The following PUS7L variants were observed in gnomAD, a reference collection of about 807,000 sequenced individuals.
PUS7L encodes pseudouridine synthase 7 like.
In PUS7L, 49 loss-of-function variants were observed where a neutral mutation model predicts 51.1. The ratio of observed to expected loss-of-function variants is 0.96; its 90% CI spans 0.76 to 1.22. The LOEUF (loss-of-function observed/expected upper bound fraction) is 1.22, where lower values mean the gene tolerates loss of function less well. PUS7L is among the 50% of genes most tolerant of loss of function. The probability of loss-of-function intolerance (pLI) is 0.00; values close to 1 mark genes in which losing one functional copy is unlikely to be tolerated. For missense variants in PUS7L, 828 were observed against 820.6 expected, an observed-to-expected ratio of 1.01 and a Z score of -0.11; for synonymous variants, 277 against 276.2, an observed-to-expected ratio of 1.00 and a Z score of -0.03.
intron 2 of PUS7L, among the ~76,000 whole-genome samples, chr12:43,749,288 C>A (rs1938327973): frequency 6.6e-6 from 1 of 152,140 alleles, no homozygotes; most frequent in Non-Finnish European, 1.5e-5. Context: ...ACATTTAAGT[C>A]CTCTGTCTAA....
In PUS7L at chr12:43,730,071, G is replaced by A. The variant is rs1364248756; in HGVS notation, c.*305C>T. On this transcript the variant is annotated 3_prime_UTR_variant, in exon 9 of 9. Coordinates refer to ENST00000344862, the MANE Select transcript of PUS7L (RefSeq NM_031292.5). ...AACTTTTTTTCTTAAATGTTATCTT[G>A]CAGTATTATATATATTCCTAATGGT... The A allele has an allele frequency of 4.2e-6, 1 of 238,618 alleles. No homozygotes were observed. Among genetic ancestry groups the A allele is most frequent in the Admixed American group, 5.0e-5 (1 of 19,990 alleles). 14.8% of individuals were successfully genotyped at this position (238,618 alleles called of 1,614,324 possible).
chr12:43,741,577 T>C (rs1937899470), intron 5 of PUS7L, among the ~76,000 whole-genome samples: 1 of 152,240 alleles, frequency 6.6e-6, no homozygotes, highest in Non-Finnish European at 1.5e-5. Context: ...ACAAGTTAAT[T>C]TTCAGAGTTT....
Position 43,730,685 on chromosome 12 carries a change from A to G in PUS7L, c.1797T>C (p.Leu599=). 2 of 1,595,760 alleles carry G rather than the reference A, an allele frequency of 1.3e-6. No individual in the cohort carries two copies. The highest frequency in any genetic ancestry group is 1.7e-6 in the Non-Finnish European group (2 of 1,166,582). ...TCTTCGGGTACTGAATATTGTATCC[A>G]AGTACTGGAAGAACCACCTGTGAAA... ...YAIHQVVLPV[L]GYNIQYPKNK... is the part of the protein sequence containing the mutation. Residue 599 remains leucine (L), a synonymous_variant, in exon 9 of 9, where the codon CTT becomes CTC. Transcript: ENST00000344862.
intron 1 of PUS7L, among the ~76,000 whole-genome samples, chr12:43,757,328 G>T (rs528407188): frequency 1.3e-5 from 2 of 151,726 alleles, no homozygotes; most frequent in Non-Finnish European, 2.9e-5. Context: ...GCGCCACCAC[G>T]CCCGGCTAAT....
chr12:43,748,479 T>TGCTTGATA lies in PUS7L; in HGVS notation c.1033_1040dup (p.Met348IlefsTer9), dbSNP rs1221628187. On this transcript the variant is annotated frameshift_variant, in exon 3 of 9. Transcript: ENST00000344862. LOFTEE classifies it high-confidence loss of function. Reference sequence around the variant, plus strand: ...CTGGAGTCACTTTTCTAACAACCATTGCTTGATAGGTGATGGCTTTCTTGT... The same window carrying TGCTTGATA: ...CTGGAGTCACTTTTCTAACAACCATTGCTTGATAGCTTGATAGGTGATGGCTTTCTTGT... The TGCTTGATA allele has an allele frequency of 6.2e-7, 1 of 1,600,304 alleles. No homozygotes were observed. The highest frequency in any genetic ancestry group is 1.8e-5 in the Admixed American group (1 of 55,774).
chr12:43,740,176 C>T (rs1937827282), intron 5 of PUS7L, among the ~76,000 whole-genome samples: 1 of 152,052 alleles, frequency 6.6e-6, no homozygotes, highest in Non-Finnish European at 1.5e-5. Context: ...ATAATATCTA[C>T]TAGTTTATGT....
At position 43,720,514 on chromosome 12, in the gene PUS7L, GATAT is replaced by G. The variant is rs747006091; in HGVS notation, c.*9858_*9861del. The G allele has an allele frequency of 2.0e-5, 3 of 152,110 alleles. No homozygotes were observed. Among genetic ancestry groups the G allele is most frequent in the Admixed American group, 6.5e-5 (1 of 15,272 alleles). 9.4% of individuals were successfully genotyped at this position (152,110 alleles called of 1,614,324 possible). A position where few individuals can be genotyped will look rare whatever the true frequency, so the allele number is the denominator to read the frequency against. On this transcript the variant is annotated 3_prime_UTR_variant, in exon 9 of 9. Coordinates refer to ENST00000344862, the MANE Select transcript of PUS7L (RefSeq NM_031292.5). ...TAAATAAGTGCATCTCTTAATTTCT[GATAT>G]ATAGAGATTTTCCTGTTATCTTTTT...
chr12:43,749,041 GA>G (rs1565642098), intron 2 of PUS7L, among the ~76,000 whole-genome samples: 1 of 152,222 alleles, frequency 6.6e-6, no homozygotes, highest in South Asian at 2.1e-4. Flanking sequence ...ACTTTTTAAT[GA>G]AAATATAAAA....
chr12:43,734,681 C>T (rs1279125675), intron 7 of PUS7L, among the ~76,000 whole-genome samples: 5 of 152,050 alleles, frequency 3.3e-5, no homozygotes, highest in African/African-American at 1.2e-4. Context: ...TAGTAGAGAC[C>T]CAACAGGGCT....
At position 43,725,976 on chromosome 12, in the gene PUS7L, A is replaced by C. The variant is rs1457880259; in HGVS notation, c.*4400T>G. The C allele has an allele frequency of 1.3e-5, 2 of 151,508 alleles. No homozygotes were observed. Among genetic ancestry groups the C allele is most frequent in the African/African-American group, 4.9e-5 (2 of 41,206 alleles). The allele number at this position is 151,508 out of a possible 1,614,324, so 9.4% of individuals were successfully genotyped here. A position where few individuals can be genotyped will look rare whatever the true frequency, so the allele number is the denominator to read the frequency against. On this transcript the variant is annotated 3_prime_UTR_variant, in exon 9 of 9. Transcript: ENST00000344862. Reference sequence around the variant, plus strand: ...GACTTTCAGTTTTTTACAGCTCACAAAAAAAAAATCAAGGTGTTTTAATTT... The same window carrying C: ...GACTTTCAGTTTTTTACAGCTCACACAAAAAAAATCAAGGTGTTTTAATTT...
rs1388288598 is a variant in PUS7L, at chr12:43,719,283, A to G, written c.*11093T>C. On this transcript the variant is annotated 3_prime_UTR_variant, in exon 9 of 9. Transcript: ENST00000344862. Reference sequence around the variant, plus strand: ...GATATGTACAATTCCATTCACATAAAATTCAAAATCAGACAAAACTGTGTA... The same window carrying G: ...GATATGTACAATTCCATTCACATAAGATTCAAAATCAGACAAAACTGTGTA... The G allele has an allele frequency of 6.6e-6, 1 of 152,216 alleles. No individual in the cohort carries two copies. The highest frequency in any genetic ancestry group is 1.5e-5 in the Non-Finnish European group (1 of 68,030). The allele number at this position is 152,216 out of a possible 1,614,324, so 9.4% of individuals were successfully genotyped here.
Position 43,748,488 on chromosome 12 carries a change from GGTGATGGCTTTCTT to G in PUS7L, c.1018_1031del (p.Lys340LeufsTer7), listed in dbSNP as rs1317333459. The G allele has an allele frequency of 1.9e-6, 3 of 1,605,772 alleles. No homozygotes were observed. The East Asian group carries it at 6.7e-5, about 36-fold the overall frequency. On this transcript the variant is annotated frameshift_variant, in exon 3 of 9. Transcript: ENST00000344862. LOFTEE classifies it high-confidence loss of function. ...CTTTTCTAACAACCATTGCTTGATA[GGTGATGGCTTTCTT>G]GTCTTTAAGGCCTGCATAACTAAAA... is the stretch of plus-strand genomic sequence containing the variant.
chr12:43,758,620 GCAAAGGGTATGGATCCT>G, intron 1 of PUS7L, 93 bp downstream of exon 1: 1 of 976,528 alleles, frequency 1.0e-6, no homozygotes, highest in Non-Finnish European at 1.2e-6. Context: ...TTCTTTGGGC[GCAAAGGGTATGGATCCT>G]CAATGCCAAC....
intron 3 of PUS7L, among the ~76,000 whole-genome samples, chr12:43,747,397 T>C (rs1050641023): frequency 2.0e-5 from 3 of 152,172 alleles, no homozygotes; most frequent in African/African-American, 7.2e-5. Flanking sequence ...GATTTTCATA[T>C]ATATAATAAA....
chr12:43,741,761 A>G (rs901597915), intron 5 of PUS7L, among the ~76,000 whole-genome samples: 3 of 152,214 alleles, frequency 2.0e-5, no homozygotes, highest in Non-Finnish European at 4.4e-5. Flanking sequence ...GATGATGTTC[A>G]ATGCACTACG....
intron 1 of PUS7L, among the ~76,000 whole-genome samples, chr12:43,755,869 G>C (rs1472478459): frequency 1.3e-5 from 2 of 152,256 alleles, no homozygotes; most frequent in Non-Finnish European, 2.9e-5. Flanking sequence ...GGTTGAGCCA[G>C]AGGAAAGTTC....
intron 7 of PUS7L, among the ~76,000 whole-genome samples, chr12:43,734,093 A>G (rs1162528147): frequency 2.0e-5 from 3 of 152,190 alleles, no homozygotes; most frequent in African/African-American, 7.2e-5. Flanking sequence ...GGTCCCAGGA[A>G]GGAGCCCCAG....
intron 1 of PUS7L, among the ~76,000 whole-genome samples, chr12:43,755,601 C>T (rs2137768810): frequency 6.6e-6 from 1 of 152,264 alleles, no homozygotes; most frequent in African/African-American, 2.4e-5. Context: ...GGTGAGAACA[C>T]AGGACTATAA....
chr12:43,750,752 T>C (rs1233257349), intron 2 of PUS7L, among the ~76,000 whole-genome samples: 1 of 152,166 alleles, frequency 6.6e-6, no homozygotes, highest in Non-Finnish European at 1.5e-5. Flanking sequence ...AGGGGAATCC[T>C]AAAATACTCT....
Sources: gnomAD v4.1 joint callset for allele counts (sites outside exome capture counted in the v4.1 genomes callset) on GRCh38, gnomAD v4.1.1 for gene constraint, MANE v1.5 for transcripts, NCBI Gene and HGNC (gene_info 2026-07-23, HGNC 2026-07-21) for gene names.